The following PRTFDC1 variants were observed in gnomAD, a reference collection of about 807,000 sequenced individuals.
PRTFDC1 encodes the protein phosphoribosyl transferase domain containing 1.
PRTFDC1 carries 38 observed loss-of-function variants against 34.6 expected under a neutral mutation model. That is an observed-to-expected ratio of 1.10 (90% CI 0.85 to 1.44). The LOEUF is 1.44. PRTFDC1 is among the 40% of genes most tolerant of loss of function. The probability of loss-of-function intolerance (pLI) is 0.00; values close to 1 mark genes in which losing one functional copy is unlikely to be tolerated. For missense variants in PRTFDC1, 270 were observed against 283.0 expected (o/e 0.95, Z 0.33); for synonymous variants, 93 against 98.1 (o/e 0.95, Z 0.31).
chr10:24,934,724 A>T (rs911848805), intron 3 of PRTFDC1, among the ~76,000 whole-genome samples: 4 of 152,198 alleles, frequency 2.6e-5, no homozygotes, highest in Admixed American at 2.6e-4. Context: ...TACACTGTAC[A>T]TGTATTCATT....
At chr10:24,928,744 AAAG>A in intron 3 of PRTFDC1, among the ~76,000 whole-genome samples, 1 of 151,934 alleles carries the variant, frequency 6.6e-6, no homozygotes, top group East Asian at 2.0e-4. Flanking sequence ...GTGCCAAGAA[AAAG>A]AAGCTTTCGG....
intron 2 of PRTFDC1, among the ~76,000 whole-genome samples, chr10:24,939,355 A>G (rs1849111185): frequency 6.6e-6 from 1 of 151,780 alleles, no homozygotes; most frequent in Non-Finnish European, 1.5e-5. Context: ...AAAAAAGGAA[A>G]CAACAACAGC....
chr10:24,884,914 G>A (rs1479017456), intron 3 of PRTFDC1, among the ~76,000 whole-genome samples: 1 of 152,128 alleles, frequency 6.6e-6, no homozygotes, highest in Non-Finnish European at 1.5e-5. Context: ...GGAGGAGAAG[G>A]ACCCAGGACT....
chr10:24,949,038 A>C (rs570940058), intron 1 of PRTFDC1, among the ~76,000 whole-genome samples: 1 of 152,234 alleles, frequency 6.6e-6, no homozygotes, highest in Admixed American at 6.5e-5. Flanking sequence ...TGGGGAGCAC[A>C]CTAGACCTCC....
intron 3 of PRTFDC1, among the ~76,000 whole-genome samples, chr10:24,874,017 C>A (rs1847921444): frequency 6.6e-6 from 1 of 151,558 alleles, no homozygotes; most frequent in Non-Finnish European, 1.5e-5. Context: ...AAGCGATCCT[C>A]CTGCCTCAAC....
intron 3 of PRTFDC1, among the ~76,000 whole-genome samples, chr10:24,928,536 C>T (rs1234739760): frequency 6.6e-6 from 1 of 152,086 alleles, no homozygotes; most frequent in Non-Finnish European, 1.5e-5. Flanking sequence ...CTCCACCTCC[C>T]GGGTTCAAGT....
At chr10:24,916,264 C>T (rs1449704892) in intron 3 of PRTFDC1, among the ~76,000 whole-genome samples, 1 of 152,202 alleles carries the variant, frequency 6.6e-6, no homozygotes, top group Non-Finnish European at 1.5e-5. Context: ...TCTCTCACTG[C>T]AATTACTGCA....
At chr10:24,916,215 C>T (rs1301465651) in intron 3 of PRTFDC1, among the ~76,000 whole-genome samples, 1 of 152,198 alleles carries the variant, frequency 6.6e-6, no homozygotes, top group Non-Finnish European at 1.5e-5. Context: ...ATACTGCTCA[C>T]CAGCTCCTCT....
In PRTFDC1 at chr10:24,942,357, A is replaced by G. The variant is rs1849175123; in HGVS notation, c.128T>C (p.Leu43Pro). The change falls in exon 2 of 9, where the codon CTC becomes CCC. Residue 43 changes from leucine to proline, a missense_variant. By Grantham distance (98) the Leu-to-Pro change is moderately conservative (BLOSUM62 -3). Transcript: ENST00000320152. ...GTCCACAATGATACCATGAGGGATG[A>G]GGACATACTCCAAGTCTCCATAATA... ...QHYYGDLEYV[L>P]IPHGIIVDRI... 6.2e-7 allele frequency: 1 copy of G among 1,613,080 alleles called. No homozygotes were observed. Among genetic ancestry groups the G allele is most frequent in the Non-Finnish European group, 8.5e-7 (1 of 1,178,978 alleles).
chr10:24,928,890 A>T (rs1044856740), intron 3 of PRTFDC1, among the ~76,000 whole-genome samples: 2 of 151,672 alleles, frequency 1.3e-5, no homozygotes, highest in African/African-American at 4.8e-5. Flanking sequence ...CTACAAAAAA[A>T]TTAGCCGGGC....
At chr10:24,940,602 G>T (rs904723660) in intron 2 of PRTFDC1, among the ~76,000 whole-genome samples, 14 of 152,324 alleles carry the variant, frequency 9.2e-5, no homozygotes, top group African/African-American at 3.4e-4. Flanking sequence ...TATGCTGCTG[G>T]TGGCAATGTA....
In PRTFDC1 at chr10:24,942,324, A is replaced by C; in HGVS notation, c.155+6T>G. ...GACCAAGATTGACACAGGAAATCAC[A>C]CTCACCTGTCCACAATGATACCATG... On this transcript the variant is annotated splice_donor_region_variant and intron_variant, in intron 2 of 8. Transcript: ENST00000320152. 6.3e-7 allele frequency: 1 copy of C among 1,599,462 alleles called. No homozygotes were observed. The highest frequency in any genetic ancestry group is 8.6e-7 in the Non-Finnish European group (1 of 1,166,670).
chr10:24,899,169 G>T (rs115378781), intron 3 of PRTFDC1, among the ~76,000 whole-genome samples: 1 of 152,162 alleles, frequency 6.6e-6, no homozygotes, highest in African/African-American at 2.4e-5. Flanking sequence ...GATCTCCTAT[G>T]AGAGCAGTGG....
chr10:24,927,807 CTT>C (rs1441525626), intron 3 of PRTFDC1, among the ~76,000 whole-genome samples: 1 of 151,794 alleles, frequency 6.6e-6, no homozygotes, highest in Non-Finnish European at 1.5e-5. Context: ...GACTCTATCT[CTT>C]GACCCTGTGA....
chr10:24,918,325 T>TATATCATATCATATC (rs145794012), intron 3 of PRTFDC1, among the ~76,000 whole-genome samples: 4 of 152,070 alleles, frequency 2.6e-5, no homozygotes, highest in African/African-American at 9.6e-5. Context: ...CACTTTTAAC[T>TATATCATATCATATC]ATATCATATC....
intron 4 of PRTFDC1, 50 bp from the exon 5 acceptor site, chr10:24,858,459 C>A: frequency 1.3e-6 from 2 of 1,581,372 alleles, no homozygotes; most frequent in Non-Finnish European, 1.7e-6. Context: ...ATCTGACTCA[C>A]AGGATACATA....
chr10:24,948,181 A>C (rs1849282317), intron 1 of PRTFDC1, among the ~76,000 whole-genome samples: 1 of 152,244 alleles, frequency 6.6e-6, no homozygotes, highest in South Asian at 2.1e-4. Context: ...ACAGAAACAC[A>C]ACAATCATTT....
At chr10:24,895,707 A>ATATATATATATC (rs1467684607) in intron 3 of PRTFDC1, among the ~76,000 whole-genome samples, 3 of 136,584 alleles carry the variant, frequency 2.2e-5, no homozygotes, top group Non-Finnish European at 4.7e-5. Flanking sequence ...ATATATATAT[A>ATATATATATATC]TATATATATA....
At chr10:24,897,294 A>C (rs553319540) in intron 3 of PRTFDC1, among the ~76,000 whole-genome samples, 83 of 152,316 alleles carry the variant, frequency 5.4e-4, no homozygotes, top group South Asian at 2.1e-3. Context: ...GTTAAAAGGC[A>C]TTCCTATTCC....
Sources: gnomAD v4.1 joint callset for allele counts (sites outside exome capture counted in the v4.1 genomes callset) on GRCh38, gnomAD v4.1.1 for gene constraint, MANE v1.5 for transcripts, NCBI Gene and HGNC (gene_info 2026-07-23, HGNC 2026-07-21) for gene names.